PDE4D: variants seen among roughly 807,000 people sequenced by gnomAD.
PDE4D encodes the protein 3',5'-cyclic-AMP phosphodiesterase 4D.
A neutral mutation model predicts 87.4 loss-of-function variants in PDE4D; 24 were observed. The ratio of observed to expected loss-of-function variants is 0.27; its 90% CI spans 0.20 to 0.39. The LOEUF is 0.39. Ranked by LOEUF, PDE4D falls within the 10% of genes least tolerant of loss-of-function variation. PDE4D has a pLI of 1.00. For synonymous variants in PDE4D, 384 were observed against 383.2 expected (o/e 1.00, Z -0.02); for missense variants, 714 against 1,041.0 (o/e 0.69, Z 4.32).
chr5:59,272,963 G>A (rs1764103061), intron 1 of PDE4D, among the ~76,000 whole-genome samples: 1 of 152,102 alleles, frequency 6.6e-6, no homozygotes, highest in African/African-American at 2.4e-5. Context: ...CGTAATGTTT[G>A]GCTTTAGGGA....
chr5:59,844,277 C>G (rs1743497460), intron 1 of PDE4D, among the ~76,000 whole-genome samples: 3 of 152,098 alleles, frequency 2.0e-5, no homozygotes, highest in Admixed American at 2.0e-4. Context: ...GAATCTCTAA[C>G]TCATCCATAC....
In PDE4D at chr5:59,939,411, A is replaced by G. The variant is rs137890326; in HGVS notation, c.272+49077T>C. ...CCTAGGCACTGAGGACACAATGGCA[A>G]GCAAAACATATAAAGCCCTTGAGCT... On this transcript the variant is annotated intron_variant, in intron 3 of 16. Coordinates refer to the PDE4D transcript ENST00000502484. Among the ~76,000 whole-genome samples, 837 of 152,348 alleles carry G rather than the reference A, an allele frequency of 5.5e-3. 5 individuals carry two copies. The highest frequency in any genetic ancestry group is 0.019 in the African/African-American group (798 of 41,582).
chr5:60,019,124 T>C (rs981125579), intron 2 of PDE4D, among the ~76,000 whole-genome samples: 2 of 152,082 alleles, frequency 1.3e-5, no homozygotes, highest in Non-Finnish European at 2.9e-5. Flanking sequence ...ACTGAAATCA[T>C]AACAGTCTCT....
intron 2 of PDE4D, among the ~76,000 whole-genome samples, chr5:60,071,292 AT>A (rs1017424549): frequency 1.3e-3 from 197 of 151,730 alleles, no homozygotes; most frequent in African/African-American, 4.4e-3. Context: ...ATTGTTTAAG[AT>A]TTTTTTCTTT....
intron 1 of PDE4D, among the ~76,000 whole-genome samples, chr5:59,858,807 A>C (rs1745833533): frequency 6.6e-6 from 1 of 152,166 alleles, no homozygotes; most frequent in Non-Finnish European, 1.5e-5. Flanking sequence ...ATATCTTTCA[A>C]ATTAGAGAAA....
chr5:59,771,502 GA>G (rs1763536043), intron 1 of PDE4D, among the ~76,000 whole-genome samples: 48 of 118,958 alleles, frequency 4.0e-4, no homozygotes, highest in Non-Finnish European at 5.7e-4. Context: ...AGAGAGAGAA[GA>G]AAGAAAGAAA....
At chr5:59,154,664 T>C (rs983565109) in intron 5 of PDE4D, among the ~76,000 whole-genome samples, 1 of 152,126 alleles carries the variant, frequency 6.6e-6, no homozygotes, top group Non-Finnish European at 1.5e-5. Flanking sequence ...GGCAGGAGGA[T>C]CACTTGAGGC....
intron 1 of PDE4D, among the ~76,000 whole-genome samples, chr5:59,269,503 C>T (rs1763417925): frequency 6.6e-6 from 1 of 152,008 alleles, no homozygotes. Flanking sequence ...CGAGTTTATC[C>T]CAATCCATAT....
At chr5:59,257,116 C>T (rs1010031305) in intron 1 of PDE4D, among the ~76,000 whole-genome samples, 41 of 152,064 alleles carry the variant, frequency 2.7e-4, no homozygotes, top group African/African-American at 9.2e-4. Context: ...AAATAAAAAT[C>T]GTATTTAGTT....
chr5:59,870,454 A>G (rs1747659306), intron 1 of PDE4D, among the ~76,000 whole-genome samples: 2 of 152,352 alleles, frequency 1.3e-5, no homozygotes, highest in South Asian at 4.1e-4. Flanking sequence ...AAATAAGTTC[A>G]ATGGGACAAT....
At chr5:59,185,108 A>G in intron 4 of PDE4D, 81 bp downstream of exon 4, 1 of 1,033,572 alleles carries the variant, frequency 9.7e-7, no homozygotes, top group Non-Finnish European at 1.5e-6. Flanking sequence ...GAAGTCTAAC[A>G]TATTGCCTTG....
intron 1 of PDE4D, chr5:60,460,466 G>C: frequency 6.6e-7 from 1 of 1,524,758 alleles, no homozygotes; most frequent in South Asian, 1.1e-5. Flanking sequence ...CCAAAATTTG[G>C]GATTTTGGCG....
At chr5:60,410,570 C>T (rs1042348673) in intron 1 of PDE4D, among the ~76,000 whole-genome samples, 3 of 152,186 alleles carry the variant, frequency 2.0e-5, no homozygotes, top group African/African-American at 4.8e-5. Flanking sequence ...ACCTCTTCTC[C>T]GCCCATCTGG....
At chr5:60,082,718 G>A (rs1323096558) in intron 2 of PDE4D, among the ~76,000 whole-genome samples, 1 of 152,188 alleles carries the variant, frequency 6.6e-6, no homozygotes, top group Non-Finnish European at 1.5e-5. Flanking sequence ...CTGGAATGAG[G>A]TGGAATGTCA....
At chr5:60,312,223 A>G (rs1258499432) in intron 1 of PDE4D, among the ~76,000 whole-genome samples, 1 of 152,194 alleles carries the variant, frequency 6.6e-6, no homozygotes, top group East Asian at 1.9e-4. Flanking sequence ...AGAACTCTCC[A>G]ACCAAAAATA....
intron 1 of PDE4D, among the ~76,000 whole-genome samples, chr5:59,334,275 T>TTTTTTGGG (rs3061653): frequency 8.3e-6 from 1 of 119,882 alleles, no homozygotes; most frequent in African/African-American, 3.0e-5. Context: ...TTTTTTTTTT[T>TTTTTTGGG]GGAGATGGAG....
At chr5:59,879,998 C>T (rs1368988507) in intron 1 of PDE4D, among the ~76,000 whole-genome samples, 1 of 152,318 alleles carries the variant, frequency 6.6e-6, no homozygotes, top group East Asian at 1.9e-4. Context: ...TTTGGCCTCC[C>T]AAAGTGCTGG....
intron 1 of PDE4D, among the ~76,000 whole-genome samples, chr5:59,362,469 T>C (rs1782368450): frequency 6.6e-6 from 1 of 152,054 alleles, no homozygotes; most frequent in South Asian, 2.1e-4. Context: ...ATGTTTTATT[T>C]GCAGCATTAA....
At position 60,384,576 on chromosome 5, in the gene PDE4D, C is replaced by T. The variant is rs768347168; in HGVS notation, c.-90+103366G>A. On this transcript the variant is annotated intron_variant, in intron 1 of 16. Coordinates refer to the PDE4D transcript ENST00000502484. ...ACATGATTTCCTTTCTTGGCTTCTA[C>T]GACATCACTCCCCTGGCCCTTGCCT... Among the ~76,000 whole-genome samples the T allele has an allele frequency of 7.2e-5, 11 of 152,166 alleles. No homozygotes were observed. The East Asian group carries it at 7.7e-4, about 11-fold the overall frequency.
Sources: gnomAD v4.1 joint callset for allele counts (sites outside exome capture counted in the v4.1 genomes callset) on GRCh38, gnomAD v4.1.1 for gene constraint, MANE v1.5 for transcripts, NCBI Gene and HGNC (gene_info 2026-07-23, HGNC 2026-07-21) for gene names.